Variants in DNAJC13 observed in about 807,000 individuals in gnomAD.
DNAJC13 encodes dnaJ homolog subfamily C member 13.
Under a neutral mutation model 290.5 loss-of-function variants are expected in DNAJC13, and 75 were observed. The observed-to-expected ratio is 0.26, with a 90% CI of 0.21 to 0.31. The LOEUF (loss-of-function observed/expected upper bound fraction) is 0.31, where lower values mean the gene tolerates loss of function less well. Among genes scored for constraint, DNAJC13 ranks in the 10% least tolerant of loss-of-function variants. The pLI is 1.00. For missense variants in DNAJC13, 2,260 were observed against 2,674.5 expected (o/e 0.85, Z 3.42); for synonymous variants, 862 against 892.0 (o/e 0.97, Z 0.60).
intron 41 of DNAJC13, among the ~76,000 whole-genome samples, chr3:132,504,519 C>T (rs1935526844): frequency 6.6e-6 from 1 of 152,002 alleles, no homozygotes; most frequent in African/African-American, 2.4e-5. Context: ...TTTTTTATAG[C>T]ATTTCAAAAT....
chr3:132,496,890 A>G (rs1012992128), intron 36 of DNAJC13, among the ~76,000 whole-genome samples: 1 of 152,152 alleles, frequency 6.6e-6, no homozygotes, highest in Non-Finnish European at 1.5e-5. Context: ...AGTATTTTGC[A>G]TTTCTGACAT....
At position 132,528,083 on chromosome 3, in the gene DNAJC13, G is replaced by A. The variant is rs531986975; in HGVS notation, c.6382-106G>A. ...AAGCCTGTGTATGGCATTAAAATAC[G>A]GTGCAACAGGCTGCCTTCCAGGTAG... On this transcript the variant is annotated intron_variant, in intron 53 of 55. Transcript: ENST00000260818. 1.5e-5 allele frequency: 18 copies of A among 1,198,172 alleles called. No individual in the cohort carries two copies. In the East Asian group the frequency reaches 1.7e-4, roughly 11 times the overall value. 74.2% of individuals were successfully genotyped at this position (1,198,172 alleles called of 1,614,324 possible). A position where few individuals can be genotyped will look rare whatever the true frequency, so the allele number is the denominator to read the frequency against.
At chr3:132,524,472 A>C (rs1321454367) in intron 51 of DNAJC13, among the ~76,000 whole-genome samples, 1 of 152,228 alleles carries the variant, frequency 6.6e-6, no homozygotes, top group African/African-American at 2.4e-5. Flanking sequence ...GCATTTATAG[A>C]ATAGTCATAG....
chr3:132,472,438 T>G (rs1271678493), intron 20 of DNAJC13: 1 of 491,936 alleles, frequency 2.0e-6, no homozygotes, highest in African/African-American at 2.1e-5. Context: ...GGTGCACCTA[T>G]TTTAGTCTTA....
rs548451001 is a variant in DNAJC13 at position 132,535,912 on chromosome 3, C to T, written c.6626-2264C>T. On this transcript the variant is annotated intron_variant, in intron 55 of 55. Coordinates refer to ENST00000260818, the MANE Select transcript of DNAJC13 (RefSeq NM_015268.4). Reference sequence around the variant, plus strand: ...GAGGCCAGGGTCCTGGGGAGAGCATCTCGGATTTCATTTGTAGAACTATCC... The same window carrying T: ...GAGGCCAGGGTCCTGGGGAGAGCATTTCGGATTTCATTTGTAGAACTATCC... 4.2e-4 allele frequency among the ~76,000 whole-genome samples: 64 copies of T among 152,290 alleles called. 1 individual carries two copies. The highest frequency in any genetic ancestry group is 1.4e-3 in the African/African-American group (58 of 41,562).
chr3:132,447,471 G>A lies in DNAJC13; in HGVS notation c.294+1G>A. On this transcript the variant is annotated splice_donor_variant, in intron 4 of 55. Coordinates refer to ENST00000260818, the MANE Select transcript of DNAJC13 (RefSeq NM_015268.4). LOFTEE classifies it high-confidence loss of function. ...AACAGAACTTCTTACAGAAGCATTG[G>A]TAAGAAGATTCCATGTTCATAAATA... 1.3e-6 allele frequency: 2 copies of A among 1,563,944 alleles called. No homozygotes were observed. Among genetic ancestry groups the A allele is most frequent in the Non-Finnish European group, 8.6e-7 (1 of 1,164,076 alleles).
At chr3:132,429,394 G>T (rs1240962811) in intron 1 of DNAJC13, among the ~76,000 whole-genome samples, 1 of 152,008 alleles carries the variant, frequency 6.6e-6, no homozygotes, top group African/African-American at 2.4e-5. Context: ...CCAAAGTCTG[G>T]CCCAATCGCT....
At position 132,469,963 on chromosome 3, in the gene DNAJC13, CTTTTTTTTTTTTTTTT is replaced by C. The variant is rs61726289; in HGVS notation, c.2208+2664_2208+2679del. 1.6e-4 allele frequency among the ~76,000 whole-genome samples: 10 copies of C among 61,156 alleles called. 1 individual carries two copies. The highest frequency in any genetic ancestry group is 5.0e-4 in the African/African-American group (9 of 17,890). The allele number at this position is 61,156 out of a possible 152,430, so 40.1% of individuals were successfully genotyped here. The stretch of plus-strand genomic sequence containing the variant: ...ATGGGTTTCATTTGGAGCAGAGATT[CTTTTTTTTTTTTTTTT>C]TTTTTTTTTTTTTAATTTATTTTTT... On this transcript the variant is annotated intron_variant, in intron 20 of 55. Coordinates refer to ENST00000260818, the MANE Select transcript of DNAJC13 (RefSeq NM_015268.4).
At chr3:132,494,765 A>C (rs911321827) in intron 34 of DNAJC13, among the ~76,000 whole-genome samples, 1 of 152,176 alleles carries the variant, frequency 6.6e-6, no homozygotes, top group Non-Finnish European at 1.5e-5. Context: ...ATAACTTAGA[A>C]TTATAGAATT....
chr3:132,536,959 T>C (rs1396909823), intron 55 of DNAJC13, among the ~76,000 whole-genome samples: 3 of 152,230 alleles, frequency 2.0e-5, no homozygotes, highest in Non-Finnish European at 4.4e-5. Flanking sequence ...TCACACAGGC[T>C]GAGTCATCTC....
intron 36 of DNAJC13, 29 bp from the exon 37 acceptor site, chr3:132,499,097 T>C: frequency 2.0e-6 from 3 of 1,516,814 alleles, no homozygotes; most frequent in Non-Finnish European, 2.7e-6. Context: ...TTGTTTTGTT[T>C]TTCTAACACT....
intron 31 of DNAJC13, among the ~76,000 whole-genome samples, chr3:132,490,585 T>C (rs572630811): frequency 1.3e-4 from 20 of 152,196 alleles, no homozygotes; most frequent in Admixed American, 1.3e-3. Context: ...CCTTCTGTTA[T>C]CCATTACTGT....
In DNAJC13 at chr3:132,499,177, C is replaced by A; in HGVS notation, c.4208C>A (p.Thr1403Lys). The A allele has an allele frequency of 6.2e-7, 1 of 1,613,950 alleles. No individual in the cohort carries two copies. The highest frequency in any genetic ancestry group is 8.5e-7 in the Non-Finnish European group (1 of 1,179,898). The change falls in exon 37 of 56, where the codon ACA becomes AAA. Residue 1403 changes from threonine (T) to lysine (K), a missense_variant. By Grantham distance (78) the Thr-to-Lys change is moderately conservative. Coordinates refer to ENST00000260818, the MANE Select transcript of DNAJC13 (RefSeq NM_015268.4). ...TACCCCATGCTTATTCGGACTATAA[C>A]AATGGAAACTTCAGATGACCTCCTT... ...AGYPMLIRTI[T>K]METSDDLLFS... is the part of the protein sequence containing the mutation.
chr3:132,488,244 A>G, intron 29 of DNAJC13, 54 bp from the exon 30 acceptor site: 1 of 1,501,930 alleles, frequency 6.7e-7, no homozygotes, highest in Non-Finnish European at 8.9e-7. Context: ...AAAAACCTAA[A>G]GTGATGATGC....
intron 20 of DNAJC13, chr3:132,472,514 T>C (rs1934316281): frequency 4.1e-6 from 4 of 968,076 alleles, no homozygotes; most frequent in Non-Finnish European, 4.9e-6. Flanking sequence ...TCATTCTCTT[T>C]TTATTTTCTT....
intron 21 of DNAJC13, among the ~76,000 whole-genome samples, chr3:132,473,429 G>A (rs565851449): frequency 6.6e-6 from 1 of 152,212 alleles, no homozygotes; most frequent in South Asian, 2.1e-4. Context: ...ATAGTCTGAG[G>A]AACTAAAATT....
At position 132,480,447 on chromosome 3, in the gene DNAJC13, A is replaced by C; in HGVS notation, c.2851A>C (p.Ser951Arg). The change falls in exon 26 of 56, where the codon AGC becomes CGC. Residue 951 changes from serine to arginine, a missense_variant. Physicochemically the swap from Ser to Arg is moderately radical, Grantham distance 110. This residue lies in a region of DNAJC13 where 1,494 missense variants were observed against 1,693.7 expected (regional missense o/e 0.88). Coordinates refer to ENST00000260818, the MANE Select transcript of DNAJC13 (RefSeq NM_015268.4). ...GCTTACCCTTGCACATCTCCATGTA[A>C]GCCGAGCTACAGTACCACTGCAAGT... Reference protein sequence around the residue: ...DLLTLAHLHVSRATVPLQSNV... With the variant: ...DLLTLAHLHVRRATVPLQSNV... The C allele has an allele frequency of 2.5e-6, 4 of 1,613,242 alleles. No homozygotes were observed. The highest frequency in any genetic ancestry group is 2.2e-5 in the East Asian group (1 of 44,834).
intron 5 of DNAJC13, among the ~76,000 whole-genome samples, chr3:132,449,304 A>G (rs1446416824): frequency 6.6e-6 from 1 of 152,176 alleles, no homozygotes; most frequent in African/African-American, 2.4e-5. Context: ...CTGAGGGATA[A>G]TGATGCTTCC....
intron 50 of DNAJC13, 26 bp from the exon 51 acceptor site, chr3:132,523,514 G>C: frequency 6.2e-7 from 1 of 1,601,502 alleles, no homozygotes; most frequent in Non-Finnish European, 8.5e-7. Flanking sequence ...TAAGTGACTT[G>C]ACTGTGGTTC....
Sources: gnomAD v4.1 joint callset for allele counts (sites outside exome capture counted in the v4.1 genomes callset) on GRCh38, gnomAD v4.1.1 for gene constraint, gnomAD v4.1.1 regional missense constraint, MANE v1.5 for transcripts, NCBI Gene and HGNC (gene_info 2026-07-23, HGNC 2026-07-21) for gene names.